Variants in KCNT2 observed in about 807,000 individuals in gnomAD.
KCNT2 encodes the protein potassium sodium-activated channel subfamily T member 2.
Under a neutral mutation model 153.8 loss-of-function variants are expected in KCNT2, and 67 were observed. The observed-to-expected ratio is 0.44, with a 90% CI of 0.36 to 0.53. The LOEUF (loss-of-function observed/expected upper bound fraction) is 0.53, where lower values mean the gene tolerates loss of function less well. KCNT2 is among the 20% of genes least tolerant of loss of function. The pLI, the probability that KCNT2 is intolerant of heterozygous loss-of-function variation, is 0.00. For missense variants in KCNT2, 975 were observed against 1,354.8 expected, an observed-to-expected ratio of 0.72 and a Z score of 4.40; for synonymous variants, 500 against 458.8, an observed-to-expected ratio of 1.09 and a Z score of -1.15.
chr1:196,447,432 T>A (rs1176749342), intron 8 of KCNT2, among the ~76,000 whole-genome samples: 2 of 151,512 alleles, frequency 1.3e-5, no homozygotes, highest in Non-Finnish European at 3.0e-5. Context: ...CATCATAACA[T>A]CATCAAGGAA....
At chr1:196,276,375 G>A (rs557480696) in intron 25 of KCNT2, among the ~76,000 whole-genome samples, 2 of 152,096 alleles carry the variant, frequency 1.3e-5, no homozygotes, top group South Asian at 4.2e-4. Flanking sequence ...GCTTTGATAT[G>A]TAATTAGATA....
At chr1:196,489,218 A>G (rs1427171898) in intron 3 of KCNT2, among the ~76,000 whole-genome samples, 1 of 152,008 alleles carries the variant, frequency 6.6e-6, no homozygotes, top group Non-Finnish European at 1.5e-5. Context: ...TTAGATTACT[A>G]AGGAACTTCT....
chr1:196,547,028 AT>A (rs1295969407), intron 1 of KCNT2, among the ~76,000 whole-genome samples: 3 of 152,136 alleles, frequency 2.0e-5, no homozygotes, highest in Non-Finnish European at 2.9e-5. Context: ...TATCTACAGG[AT>A]TATGCAACAT....
At chr1:196,600,654 A>C (rs1664624238) in intron 1 of KCNT2, among the ~76,000 whole-genome samples, 1 of 7,732 alleles carries the variant, frequency 1.3e-4, no homozygotes, top group Admixed American at 2.9e-3. Context: ...CTTGATATGG[A>C]TCACACTGAA....
intron 1 of KCNT2, among the ~76,000 whole-genome samples, chr1:196,570,443 A>G (rs1403779710): frequency 6.6e-6 from 1 of 152,126 alleles, no homozygotes; most frequent in Admixed American, 6.5e-5. Flanking sequence ...AGAGTTAGAC[A>G]TACTTGTGGG....
At chr1:196,434,962 C>A (rs561656793) in intron 8 of KCNT2, among the ~76,000 whole-genome samples, 1 of 151,208 alleles carries the variant, frequency 6.6e-6, no homozygotes. Flanking sequence ...CTTACATCCT[C>A]CATTTCTCCT....
intron 25 of KCNT2, among the ~76,000 whole-genome samples, chr1:196,260,051 T>G (rs1656864886): frequency 6.6e-6 from 1 of 151,900 alleles, no homozygotes; most frequent in Non-Finnish European, 1.5e-5. Flanking sequence ...AGTTGTACTT[T>G]GTAGCAACAA....
rs771718269 is a variant in KCNT2 at position 196,227,456 on chromosome 1, C to G, written c.*768G>C. ...TCAACAAATGTGTATTAAGTATTTT[C>G]TCTATGCTAGGCATTCGTTTAGGAG... On this transcript the variant is annotated 3_prime_UTR_variant, in exon 28 of 28. Transcript: ENST00000294725. The G allele has an allele frequency of 1.3e-4, 20 of 151,998 alleles. No individual in the cohort carries two copies. The highest frequency in any genetic ancestry group is 2.7e-4 in the Non-Finnish European group (18 of 67,898). The allele number at this position is 151,998 out of a possible 1,614,324, so 9.4% of individuals were successfully genotyped here.
chr1:196,536,689 G>T lies in KCNT2; in HGVS notation c.96-44348C>A, dbSNP rs559614604. On this transcript the variant is annotated intron_variant, in intron 1 of 27. Coordinates refer to ENST00000294725, the MANE Select transcript of KCNT2 (RefSeq NM_198503.5). Reference sequence around the variant, plus strand: ...ATGTCTATGCCATTCCAGTCTGGGGGGTTGTTACCCATGAAAGCACCCATC... The same window carrying T: ...ATGTCTATGCCATTCCAGTCTGGGGTGTTGTTACCCATGAAAGCACCCATC... Among the ~76,000 whole-genome samples, 184 of 152,258 alleles carry T rather than the reference G, an allele frequency of 1.2e-3. 1 individual carries two copies. The South Asian group carries it at 0.014, about 11-fold the overall frequency.
intron 13 of KCNT2, among the ~76,000 whole-genome samples, chr1:196,393,285 G>A (rs1415694786): frequency 6.6e-6 from 1 of 151,502 alleles, no homozygotes; most frequent in African/African-American, 2.4e-5. Flanking sequence ...GGACTCAACA[G>A]TTGAAAGAAA....
At chr1:196,314,143 A>G (rs1214597084) in intron 21 of KCNT2, among the ~76,000 whole-genome samples, 2 of 151,662 alleles carry the variant, frequency 1.3e-5, no homozygotes, top group Non-Finnish European at 3.0e-5. Context: ...CTTGGAATCA[A>G]AATAATTCAT....
chr1:196,229,773 G>T (rs1653788370), intron 27 of KCNT2, among the ~76,000 whole-genome samples: 1 of 152,028 alleles, frequency 6.6e-6, no homozygotes, highest in African/African-American at 2.4e-5. Flanking sequence ...TGAGTGGTCT[G>T]GAAAAAAGAT....
chr1:196,569,470 G>A (rs1200561722), intron 1 of KCNT2, among the ~76,000 whole-genome samples: 1 of 152,108 alleles, frequency 6.6e-6, no homozygotes. Flanking sequence ...CTTTTATTGG[G>A]ATTGAAATAA....
intron 25 of KCNT2, among the ~76,000 whole-genome samples, chr1:196,267,238 C>T (rs1025681063): frequency 1.3e-5 from 2 of 152,148 alleles, no homozygotes; most frequent in Non-Finnish European, 2.9e-5. Flanking sequence ...GATGAATAAA[C>T]ATTCAAAAAG....
intron 1 of KCNT2, among the ~76,000 whole-genome samples, chr1:196,498,669 C>A (rs1333252660): frequency 6.6e-6 from 1 of 152,106 alleles, no homozygotes; most frequent in Non-Finnish European, 1.5e-5. Flanking sequence ...TTTCTAAGAA[C>A]TTTTCAGCTG....
chr1:196,406,463 G>A (rs773897439), intron 12 of KCNT2, among the ~76,000 whole-genome samples: 11 of 151,036 alleles, frequency 7.3e-5, no homozygotes, highest in Admixed American at 6.6e-5. Context: ...TGCATTTTAC[G>A]ATAGAATAGC....
At chr1:196,382,789 G>A (rs541243299) in intron 13 of KCNT2, among the ~76,000 whole-genome samples, 54 of 152,156 alleles carry the variant, frequency 3.5e-4, no homozygotes, top group Non-Finnish European at 6.6e-4. Context: ...AATTACAAGA[G>A]CAAGAGAATA....
intron 1 of KCNT2, among the ~76,000 whole-genome samples, chr1:196,535,970 A>G (rs879349173): frequency 2.6e-5 from 4 of 152,212 alleles, no homozygotes; most frequent in Non-Finnish European, 5.9e-5. Context: ...CTAAAGTGAA[A>G]CCATCTCCCT....
intron 13 of KCNT2, among the ~76,000 whole-genome samples, chr1:196,395,385 G>T (rs1670848189): frequency 6.6e-6 from 1 of 151,530 alleles, no homozygotes; most frequent in Non-Finnish European, 1.5e-5. Context: ...TTATGGGAGA[G>T]CCCAGTTAGT....
Sources: allele counts gnomAD v4.1 joint callset (sites outside exome capture counted in the v4.1 genomes callset), GRCh38; gene constraint gnomAD v4.1.1; transcripts MANE v1.5; gene names NCBI Gene and HGNC (gene_info 2026-07-23, HGNC 2026-07-21).